The following HM13 variants were observed in gnomAD, a reference collection of about 807,000 sequenced individuals.
HM13 encodes the protein signal peptide peptidase.
Under a neutral mutation model 50.0 loss-of-function variants are expected in HM13, and 18 were observed. The observed-to-expected ratio is 0.36, with a 90% CI of 0.25 to 0.53. The LOEUF is 0.53. HM13 is among the 20% of genes least tolerant of loss of function. The pLI is 0.90. For missense variants in HM13, 393 were observed against 552.4 expected (o/e 0.71, Z 2.89); for synonymous variants, 197 against 232.6 (o/e 0.85, Z 1.39).
intron 1 of HM13, among the ~76,000 whole-genome samples, chr20:31,518,235 A>G (rs796381135): frequency 3.0e-4 from 46 of 151,558 alleles, no homozygotes; most frequent in African/African-American, 1.0e-3. Flanking sequence ...GGATTTCTCC[A>G]TGTTGGTCAG....
At chr20:31,548,933 C>A in intron 4 of HM13, 96 bp from the exon 5 acceptor site, 1 of 1,058,428 alleles carries the variant, frequency 9.4e-7, no homozygotes, top group Non-Finnish European at 1.5e-6. Flanking sequence ...GAACCTCTCA[C>A]AGTGCCCACA....
intron 7 of HM13, among the ~76,000 whole-genome samples, chr20:31,553,678 A>G (rs1275383991): frequency 6.6e-6 from 1 of 152,018 alleles, no homozygotes; most frequent in Admixed American, 6.6e-5. Context: ...ATCCAGTTAT[A>G]ACCTCCTTTT....
chr20:31,524,459 A>G (rs970662092), intron 1 of HM13, among the ~76,000 whole-genome samples: 5 of 152,128 alleles, frequency 3.3e-5, no homozygotes, highest in African/African-American at 1.2e-4. Context: ...GGGTATGTGC[A>G]TTTGTAATTT....
intron 7 of HM13, among the ~76,000 whole-genome samples, chr20:31,553,677 T>C (rs1470478762): frequency 6.6e-6 from 1 of 152,058 alleles, no homozygotes; most frequent in Non-Finnish European, 1.5e-5. Context: ...AATCCAGTTA[T>C]AACCTCCTTT....
chr20:31,536,363 C>T (rs571989254), intron 2 of HM13, among the ~76,000 whole-genome samples: 1 of 152,166 alleles, frequency 6.6e-6, no homozygotes, highest in East Asian at 1.9e-4. Flanking sequence ...AACTCCATCT[C>T]GGGGAGGGTG....
At position 31,548,835 on chromosome 20, in the gene HM13, T is replaced by C. The variant is rs1983861897; in HGVS notation, c.455-194T>C. ...GCCTCCATTCCCTCCTGTAGGAAATTGGAGGGGTTGGGGTGGCTCCAGTGA... is the reference window on the plus strand; with the variant it reads ...GCCTCCATTCCCTCCTGTAGGAAATCGGAGGGGTTGGGGTGGCTCCAGTGA... On this transcript the variant is annotated intron_variant, in intron 4 of 12. Coordinates refer to ENST00000398174, the MANE Select transcript of HM13 (RefSeq NM_178581.3). The C allele has an allele frequency of 9.7e-6, 6 of 616,408 alleles. No homozygotes were observed. In the South Asian group the frequency reaches 1.1e-4, roughly 12 times the overall value. The allele number at this position is 616,408 out of a possible 1,614,324, so 38.2% of individuals were successfully genotyped here. A position where few individuals can be genotyped will look rare whatever the true frequency, so the allele number is the denominator to read the frequency against.
intron 6 of HM13, 45 bp downstream of exon 6, chr20:31,549,377 C>T (rs897158493): frequency 6.8e-6 from 11 of 1,611,460 alleles, no homozygotes; most frequent in Non-Finnish European, 8.5e-6. Context: ...CCGGGGCCAT[C>T]TCATCTCATC....
At chr20:31,562,258 G>A (rs1240068316) in intron 10 of HM13, among the ~76,000 whole-genome samples, 1 of 152,174 alleles carries the variant, frequency 6.6e-6, no homozygotes, top group African/African-American at 2.4e-5. Flanking sequence ...ATAGCACAAA[G>A]ACTGGGAGCC....
chr20:31,538,124 C>T (rs1983219408), intron 2 of HM13, 55 bp from the exon 3 acceptor site: 1 of 1,601,012 alleles, frequency 6.2e-7, no homozygotes, highest in Non-Finnish European at 8.5e-7. Context: ...ACTCTGGTTT[C>T]CTCACAGCCA....
intron 4 of HM13, among the ~76,000 whole-genome samples, chr20:31,546,494 G>C (rs536597666): frequency 1.3e-5 from 2 of 151,622 alleles, no homozygotes; most frequent in South Asian, 4.2e-4. Context: ...GATGGCTCAC[G>C]CCTCCCAGCA....
At position 31,544,978 on chromosome 20, in the gene HM13, T is replaced by C. The variant is rs1368292148; in HGVS notation, c.397T>C (p.Phe133Leu). 6.2e-7 allele frequency: 1 copy of C among 1,614,128 alleles called. No individual in the cohort carries two copies. The highest frequency in any genetic ancestry group is 1.3e-5 in the African/African-American group (1 of 74,948). Residue 133 changes from phenylalanine (F) to leucine (L), a missense_variant, in exon 4 of 13, where the codon TTT becomes CTT. Transcript: ENST00000398174. The part of the protein sequence containing the change: ...PFMNKFFPAS[F>L]PNRQYQLLFT... The stretch of plus-strand genomic sequence containing the variant: ...CATGAATAAGTTTTTTCCAGCCAGC[T>C]TTCCAAATCGACAGTACCAGCTGCT...
Position 31,532,750 on chromosome 20 carries a change from C to T in HM13, c.282+5168C>T, listed in dbSNP as rs77043918. ...CGCTCTCTGTACCTTAAGATCTCTC[C>T]GTGGCTCTGTGTACATCCAGCCATT... is the stretch of plus-strand genomic sequence containing the variant. On this transcript the variant is annotated intron_variant, in intron 2 of 12. Coordinates refer to ENST00000398174, the MANE Select transcript of HM13 (RefSeq NM_178581.3). Among the ~76,000 whole-genome samples, 1,057 of 152,298 alleles carry T rather than the reference C, an allele frequency of 6.9e-3. 2 individuals are homozygous for T. The highest frequency in any genetic ancestry group is 0.01 in the Non-Finnish European group (693 of 68,030).
intron 1 of HM13, among the ~76,000 whole-genome samples, chr20:31,525,267 A>T (rs1982417671): frequency 1.3e-5 from 2 of 152,138 alleles, no homozygotes; most frequent in Non-Finnish European, 2.9e-5. Flanking sequence ...TTGTGGGCTT[A>T]CTGCCCTCTG....
At chr20:31,524,858 C>T (rs1274624643) in intron 1 of HM13, among the ~76,000 whole-genome samples, 3 of 151,776 alleles carry the variant, frequency 2.0e-5, no homozygotes, top group East Asian at 3.9e-4. Context: ...GGACTACAGG[C>T]GCCCGCCACC....
At chr20:31,539,385 A>C in intron 3 of HM13, 2 of 985,508 alleles carry the variant, frequency 2.0e-6, no homozygotes, top group Non-Finnish European at 2.4e-6. Flanking sequence ...ACTCACCTTG[A>C]ACTTAGCTTT....
At chr20:31,547,933 T>TG in intron 4 of HM13, 1 of 1,282,932 alleles carries the variant, frequency 7.8e-7, no homozygotes, top group Non-Finnish European at 1.1e-6. Flanking sequence ...GCATGCTCTG[T>TG]GTGTTGGGGT....
intron 8 of HM13, 151 bp downstream of exon 8, chr20:31,554,980 A>C (rs1837928915): frequency 1.4e-6 from 1 of 711,930 alleles, no homozygotes; most frequent in African/African-American, 1.8e-5. Flanking sequence ...GTTCCCCCTT[A>C]ACATCCGTTT....
intron 12 of HM13, among the ~76,000 whole-genome samples, chr20:31,568,536 C>T (rs1985067872): frequency 6.6e-6 from 1 of 152,244 alleles, no homozygotes; most frequent in African/African-American, 2.4e-5. Flanking sequence ...AAGTTACTTT[C>T]TTCATCTGTA....
rs1460314341 is a variant in HM13, at chr20:31,514,517, C to T, written c.-35C>T. 1.9e-6 allele frequency: 3 copies of T among 1,587,494 alleles called. No individual in the cohort carries two copies. The Admixed American group carries it at 5.3e-5, about 28-fold the overall frequency. ...CCGCCTGCGTCCCTGCTGCAGCAAC[C>T]GGAGCTGGAGTCGGATCCCGAACGC... On this transcript the variant is annotated 5_prime_UTR_variant, in exon 1 of 13. Transcript: ENST00000398174. The surrounding 1 kb of genome is among the most constrained non-coding windows in gnomAD (Gnocchi z 4.3).
Sources: allele counts gnomAD v4.1 joint callset (sites outside exome capture counted in the v4.1 genomes callset), GRCh38; gene constraint gnomAD v4.1.1; non-coding constraint Gnocchi (gnomAD v3.1); transcripts MANE v1.5; gene names NCBI Gene and HGNC (gene_info 2026-07-23, HGNC 2026-07-21).